The following PLXDC2 variants were observed in gnomAD, a reference collection of about 807,000 sequenced individuals.
PLXDC2 encodes the protein plexin domain containing 2, also known as plexin domain-containing protein 2.
A neutral mutation model predicts 68.9 loss-of-function variants in PLXDC2; 40 were observed. The ratio of observed to expected loss-of-function variants is 0.58; its 90% CI spans 0.45 to 0.76. The LOEUF is 0.76. PLXDC2 is among the 30% of genes least tolerant of loss of function. The pLI is 0.00. For missense variants in PLXDC2, 644 were observed against 661.9 expected (o/e 0.97, Z 0.30); for synonymous variants, 243 against 234.2 (o/e 1.04, Z -0.34).
chr10:20,092,071 T>C (rs1833284579), intron 4 of PLXDC2, among the ~76,000 whole-genome samples: 1 of 151,412 alleles, frequency 6.6e-6, no homozygotes, highest in Admixed American at 6.6e-5. Context: ...TTACTACCTA[T>C]TATATCCTAG....
intron 1 of PLXDC2, among the ~76,000 whole-genome samples, chr10:19,936,198 A>G (rs927586878): frequency 1.2e-4 from 18 of 152,192 alleles, no homozygotes; most frequent in Admixed American, 7.9e-4. Flanking sequence ...CAGGATTTTA[A>G]TGGGACTCCA....
At chr10:19,988,237 C>CTGAT (rs1313968260) in intron 1 of PLXDC2, among the ~76,000 whole-genome samples, 1 of 152,144 alleles carries the variant, frequency 6.6e-6, no homozygotes, top group Non-Finnish European at 1.5e-5. Context: ...TGGAAAATAC[C>CTGAT]TGATATGTGT....
chr10:19,949,565 G>A (rs1303571541), intron 1 of PLXDC2, among the ~76,000 whole-genome samples: 1 of 152,164 alleles, frequency 6.6e-6, no homozygotes, highest in African/African-American at 2.4e-5. Context: ...ATTATAACAA[G>A]AATGGTGCTT....
chr10:19,824,172 A>G (rs1836530989), intron 1 of PLXDC2, among the ~76,000 whole-genome samples: 2 of 152,220 alleles, frequency 1.3e-5, no homozygotes, highest in Non-Finnish European at 2.9e-5. Context: ...ATGTTTCAAT[A>G]ACAGACATAG....
chr10:20,162,200 T>C (rs988807668), intron 6 of PLXDC2, among the ~76,000 whole-genome samples: 16 of 150,982 alleles, frequency 1.1e-4, no homozygotes, highest in African/African-American at 3.4e-4. Flanking sequence ...AAAGAAAAGG[T>C]GGAATGCATA....
chr10:20,276,162 A>G lies in PLXDC2; in HGVS notation c.1474-3541A>G, dbSNP rs190863872. On this transcript the variant is annotated intron_variant, in intron 13 of 13. Transcript: ENST00000377252. ...CCATTATGTACCACAGGTGTTTTCTATCTGGGCCTTTAATTTCAAAATCAG... is the reference window on the plus strand; with the variant it reads ...CCATTATGTACCACAGGTGTTTTCTGTCTGGGCCTTTAATTTCAAAATCAG... Among the ~76,000 whole-genome samples, 6 of 152,178 alleles carry G rather than the reference A, an allele frequency of 3.9e-5. No homozygotes were observed. In the South Asian group the frequency reaches 8.3e-4, roughly 21 times the overall value.
At chr10:19,867,617 A>G (rs1271770512) in intron 1 of PLXDC2, among the ~76,000 whole-genome samples, 2 of 152,176 alleles carry the variant, frequency 1.3e-5, no homozygotes, top group Non-Finnish European at 2.9e-5. Context: ...GAAGGGACTC[A>G]CAATTTTTCC....
intron 1 of PLXDC2, among the ~76,000 whole-genome samples, chr10:19,898,295 A>G (rs60503842): frequency 6.6e-6 from 1 of 152,050 alleles, no homozygotes; most frequent in Admixed American, 6.6e-5. Flanking sequence ...TGATCCCAGG[A>G]AAGACAGTTT....
chr10:20,116,983 G>A (rs1312521113), intron 4 of PLXDC2, among the ~76,000 whole-genome samples: 8 of 150,988 alleles, frequency 5.3e-5, no homozygotes, highest in Non-Finnish European at 1.0e-4. Context: ...AATATTTAAA[G>A]ACTGGAAGAA....
intron 4 of PLXDC2, among the ~76,000 whole-genome samples, chr10:20,070,338 G>C (rs905547811): frequency 4.6e-5 from 7 of 152,268 alleles, no homozygotes; most frequent in Admixed American, 6.5e-5. Context: ...TGAAGCCCTT[G>C]GTGATTTTGT....
At chr10:20,160,719 A>G (rs1342916570) in intron 6 of PLXDC2, among the ~76,000 whole-genome samples, 2 of 152,224 alleles carry the variant, frequency 1.3e-5, no homozygotes, top group Non-Finnish European at 2.9e-5. Flanking sequence ...AAATGCACAG[A>G]CAAAAGAATA....
At chr10:20,150,257 T>C (rs1431907463) in intron 6 of PLXDC2, among the ~76,000 whole-genome samples, 4 of 152,220 alleles carry the variant, frequency 2.6e-5, no homozygotes. Flanking sequence ...GTTTTTTGTT[T>C]CAATAGGTTT....
At chr10:20,201,336 A>G (rs1335651507) in intron 9 of PLXDC2, among the ~76,000 whole-genome samples, 1 of 152,090 alleles carries the variant, frequency 6.6e-6, no homozygotes, top group Non-Finnish European at 1.5e-5. Context: ...GAAGCTTTAA[A>G]AAATAAAAGG....
At chr10:20,153,384 G>A (rs867140913) in intron 6 of PLXDC2, among the ~76,000 whole-genome samples, 6 of 152,164 alleles carry the variant, frequency 3.9e-5, no homozygotes, top group Admixed American at 2.0e-4. Flanking sequence ...ATGCTTTGAT[G>A]GGAAAAGTGT....
chr10:20,156,189 C>G (rs1834214706), intron 6 of PLXDC2, among the ~76,000 whole-genome samples: 1 of 152,132 alleles, frequency 6.6e-6, no homozygotes, highest in Non-Finnish European at 1.5e-5. Context: ...AGAGTCTTGA[C>G]TATCTTGAGT....
At chr10:20,112,428 T>C (rs1446587348) in intron 4 of PLXDC2, among the ~76,000 whole-genome samples, 1 of 152,198 alleles carries the variant, frequency 6.6e-6, no homozygotes, top group Non-Finnish European at 1.5e-5. Flanking sequence ...TTCCTGAATG[T>C]ACAGACTTGA....
intron 7 of PLXDC2, among the ~76,000 whole-genome samples, chr10:20,168,817 CAAG>C (rs1181361643): frequency 1.3e-5 from 2 of 151,918 alleles, no homozygotes; most frequent in Admixed American, 1.3e-4. Context: ...ACAGGAAACC[CAAG>C]GAGGAAAATT....
intron 1 of PLXDC2, among the ~76,000 whole-genome samples, chr10:19,856,498 AC>A (rs1350216363): frequency 6.6e-6 from 1 of 152,100 alleles, no homozygotes; most frequent in Non-Finnish European, 1.5e-5. Context: ...ATGAACTTGG[AC>A]CCAGAGATGG....
At chr10:20,017,423 A>G (rs1228269198) in intron 2 of PLXDC2, among the ~76,000 whole-genome samples, 2 of 152,176 alleles carry the variant, frequency 1.3e-5, no homozygotes, top group Admixed American at 1.3e-4. Context: ...GGGTATCAAG[A>G]AATACCTGTT....
Sources: gnomAD v4.1 joint callset for allele counts (sites outside exome capture counted in the v4.1 genomes callset) on GRCh38, gnomAD v4.1.1 for gene constraint, MANE v1.5 for transcripts, NCBI Gene and HGNC (gene_info 2026-07-23, HGNC 2026-07-21) for gene names.